Variants in DMD observed in about 807,000 individuals in gnomAD.
The protein encoded by DMD is mutant dystrophin.
Under a neutral mutation model 330.1 loss-of-function variants are expected in DMD, and 63 were observed. The ratio of observed to expected loss-of-function variants is 0.19; its 90% CI spans 0.16 to 0.24. The LOEUF (loss-of-function observed/expected upper bound fraction) is 0.24. Among genes scored for constraint, DMD ranks in the 10% least tolerant of loss-of-function variants. The pLI is 1.00. For synonymous variants in DMD, 1,223 were observed against 959.8 expected, an observed-to-expected ratio of 1.27 and a Z score of -5.07; for missense variants, 3,344 against 2,684.1, an observed-to-expected ratio of 1.25 and a Z score of -5.43.
At chrX:32,659,227 C>T (rs1363935276) in intron 9 of DMD, among the ~76,000 whole-genome samples, 1 of 112,121 alleles carries the variant, frequency 8.9e-6, no homozygotes, top group Non-Finnish European at 1.9e-5. Flanking sequence ...CCTTAACATA[C>T]ACCAGTTGCT....
chrX:33,197,292 CAAT>C (rs1341115933), intron 1 of DMD, among the ~76,000 whole-genome samples: 1 of 112,053 alleles, frequency 8.9e-6, no homozygotes, highest in Admixed American at 9.5e-5. Context: ...AAATATGCAA[CAAT>C]GTCTTGTGCA....
intron 1 of DMD, among the ~76,000 whole-genome samples, chrX:33,200,260 C>T (rs1312070252): frequency 1.2e-4 from 13 of 108,880 alleles, no homozygotes; most frequent in African/African-American, 4.3e-4. Context: ...GTTTTTTTTT[C>T]CCAACCGTGT....
At chrX:31,206,694 C>T (rs781421760) in intron 65 of DMD, 27 bp from the exon 66 acceptor site, 1 of 1,121,741 alleles carries the variant, frequency 8.9e-7, no homozygotes, top group Admixed American at 2.2e-5. Flanking sequence ...AAGCAGAAAA[C>T]AATTACTGAC....
At chrX:33,321,877 T>C (rs2054020911) in intron 1 of DMD, among the ~76,000 whole-genome samples, 1 of 112,113 alleles carries the variant, frequency 8.9e-6, no homozygotes, top group Non-Finnish European at 1.9e-5. Flanking sequence ...CTTTTATGTT[T>C]GGAGGTGGCT....
At chrX:32,667,521 C>A (rs1794079172) in intron 9 of DMD, among the ~76,000 whole-genome samples, 3 of 111,364 alleles carry the variant, frequency 2.7e-5, no homozygotes, top group African/African-American at 9.8e-5. Flanking sequence ...CATCATATTT[C>A]ATTGGACCTT....
intron 64 of DMD, among the ~76,000 whole-genome samples, chrX:31,221,403 T>C (rs780362404): frequency 1.8e-5 from 2 of 112,557 alleles, no homozygotes; most frequent in East Asian, 5.6e-4. Flanking sequence ...TTCCTGAATG[T>C]GTCATGCTTT....
chrX:33,157,563 G>T (rs887972649), intron 1 of DMD, among the ~76,000 whole-genome samples: 2 of 112,310 alleles, frequency 1.8e-5, no homozygotes, highest in Non-Finnish European at 3.8e-5. Context: ...ACTGACTGCT[G>T]TCAATCTCTC....
chrX:31,595,923 T>C (rs1487133312), intron 55 of DMD, among the ~76,000 whole-genome samples: 1 of 111,065 alleles, frequency 9.0e-6, no homozygotes, highest in East Asian at 2.8e-4. Flanking sequence ...TGAGAAACAT[T>C]TCAAAAGCAA....
At chrX:33,022,480 A>G (rs1406439111) in intron 1 of DMD, among the ~76,000 whole-genome samples, 2 of 110,726 alleles carry the variant, frequency 1.8e-5, no homozygotes, top group African/African-American at 6.5e-5. Context: ...TTAATACAAG[A>G]AAAATGTCTT....
At chrX:31,907,800 A>T (rs1425698046) in intron 47 of DMD, among the ~76,000 whole-genome samples, 1 of 112,166 alleles carries the variant, frequency 8.9e-6, no homozygotes, top group Non-Finnish European at 1.9e-5. Context: ...ATGGGAGAAA[A>T]TTTTTGCAAT....
At chrX:32,590,175 G>A (rs987647444) in intron 13 of DMD, among the ~76,000 whole-genome samples, 6 of 111,865 alleles carry the variant, frequency 5.4e-5, no homozygotes, top group Admixed American at 9.5e-5. Context: ...CAATTTTAGC[G>A]AATGTAGCTT....
chrX:31,372,829 C>T (rs924608434), intron 60 of DMD, among the ~76,000 whole-genome samples: 2 of 111,024 alleles, frequency 1.8e-5, no homozygotes, highest in Non-Finnish European at 3.8e-5. Flanking sequence ...CCAGGGCAAT[C>T]AGGCAGGAGA....
intron 1 of DMD, chrX:33,159,153 G>A (rs2048644370): frequency 8.9e-6 from 1 of 111,794 alleles, no homozygotes; most frequent in African/African-American, 3.3e-5. Flanking sequence ...TTACAAATAT[G>A]TTCTCATATA....
intron 50 of DMD, among the ~76,000 whole-genome samples, chrX:31,775,709 T>C (rs896958762): frequency 3.6e-5 from 4 of 111,618 alleles, no homozygotes; most frequent in East Asian, 2.8e-4. Context: ...GACATTGAAT[T>C]TTCATTCTGA....
At chrX:33,307,790 ATTG>A (rs1189115586) in intron 1 of DMD, among the ~76,000 whole-genome samples, 1 of 111,640 alleles carries the variant, frequency 9.0e-6, no homozygotes, top group Non-Finnish European at 1.9e-5. Context: ...CAGCGCCTCT[ATTG>A]TTAGGGTAGA....
At chrX:32,913,147 A>G (rs1804476909) in intron 2 of DMD, among the ~76,000 whole-genome samples, 2 of 111,661 alleles carry the variant, frequency 1.8e-5, no homozygotes, top group African/African-American at 3.3e-5. Context: ...CTTATTGTGA[A>G]AAACGATTTT....
chrX:32,348,121 C>G (rs1004120574), intron 38 of DMD, among the ~76,000 whole-genome samples: 5 of 111,105 alleles, frequency 4.5e-5, no homozygotes, highest in African/African-American at 1.6e-4. Context: ...TGATTCGACT[C>G]TTTTTTCCAA....
chrX:31,308,501 C>T (rs1373000004), intron 62 of DMD, among the ~76,000 whole-genome samples: 4 of 111,508 alleles, frequency 3.6e-5, no homozygotes, highest in Non-Finnish European at 7.5e-5. Context: ...AACTGTAACA[C>T]CAGTGGGGCT....
intron 55 of DMD, among the ~76,000 whole-genome samples, 175 bp from the exon 56 acceptor site, chrX:31,507,628 T>C (rs1292900586): frequency 1.8e-5 from 2 of 112,474 alleles, no homozygotes; most frequent in Non-Finnish European, 3.8e-5. Flanking sequence ...CGTATTGCCT[T>C]CTCCTGTTAT....
Sources: allele counts gnomAD v4.1 joint callset (sites outside exome capture counted in the v4.1 genomes callset), GRCh38; gene constraint gnomAD v4.1.1; transcripts MANE v1.5; gene names NCBI Gene and HGNC (gene_info 2026-07-23, HGNC 2026-07-21).